ZNF184: variants seen among roughly 807,000 people sequenced by gnomAD.
ZNF184 encodes the protein zinc finger protein 184 (Kruppel-like).
Under a neutral mutation model 54.4 loss-of-function variants are expected in ZNF184, and 16 were observed. That is an observed-to-expected ratio of 0.29 (90% CI 0.20 to 0.45). The LOEUF is 0.45. ZNF184 is among the 20% of genes least tolerant of loss of function. The pLI is 1.00. For synonymous variants in ZNF184, 254 were observed against 295.3 expected (o/e 0.86, Z 1.43); for missense variants, 681 against 888.2 (o/e 0.77, Z 2.97).
chr6:27,444,154 T>C, the ZNF184 span, among the ~76,000 whole-genome samples: 20 of 152,236 alleles, frequency 1.3e-4, no homozygotes, highest in South Asian at 2.7e-3. Flanking sequence ...ACTTCTAACA[T>C]CCCTTTATAC....
At position 27,452,344 on chromosome 6, in the gene ZNF184, A is replaced by G. The variant is rs1206812126; in HGVS notation, c.1215T>C (p.Phe405=). ...CAGTATGAATCATATGATGACGGAT[A>G]AAAGTTGAGGGCCCGTTGAAGGCCT... ...CGKAFNGPST[F]IRHHMIHTGE... Residue 405 remains phenylalanine (F), a synonymous_variant, in exon 6 of 6, where the codon TTT becomes TTC. Transcript: ENST00000683788. This position sits in a 1 kb window ranked among gnomAD's most constrained non-coding sequence, Gnocchi z 5.5. 1 of 1,614,048 alleles carries G rather than the reference A, an allele frequency of 6.2e-7. No homozygotes were observed. Among genetic ancestry groups the G allele is most frequent in the African/African-American group, 1.3e-5 (1 of 75,000 alleles).
chr6:27,410,922 G>A, the ZNF184 span, among the ~76,000 whole-genome samples: 2 of 152,170 alleles, frequency 1.3e-5, no homozygotes, highest in South Asian at 4.1e-4. Context: ...AATGAGAGAT[G>A]GTAGGCAGAA....
chr6:27,427,686 T>A, the ZNF184 span, among the ~76,000 whole-genome samples: 1 of 152,224 alleles, frequency 6.6e-6, no homozygotes, highest in African/African-American at 2.4e-5. Context: ...TGTCTCCAGA[T>A]CCATATCAGC....
Position 27,452,339 on chromosome 6 carries a change from C to T in ZNF184, c.1220G>A (p.Arg407His), listed in dbSNP as rs781041543. The T allele has an allele frequency of 1.5e-5, 24 of 1,612,746 alleles. No individual in the cohort carries two copies. The highest frequency in any genetic ancestry group is 2.2e-5 in the East Asian group (1 of 44,768). ...TTCACCAGTATGAATCATATGATGA[C>T]GGATAAAAGTTGAGGGCCCGTTGAA... is the stretch of plus-strand genomic sequence containing the variant. The part of the protein sequence containing the change: ...KAFNGPSTFI[R>H]HHMIHTGEKP... The change falls in exon 6 of 6, where the codon CGT (arginine) becomes CAT (histidine). Residue 407 changes from arginine (R) to histidine (H), a missense_variant. Arg to His is a conservative substitution (Grantham distance 29). Transcript: ENST00000683788. This position sits in a 1 kb window ranked among gnomAD's most constrained non-coding sequence, Gnocchi z 5.5.
chr6:27,419,169 T>C, the ZNF184 span, among the ~76,000 whole-genome samples: 3 of 152,328 alleles, frequency 2.0e-5, no homozygotes, highest in South Asian at 6.2e-4. The surrounding 1 kb of genome is among the most constrained non-coding windows in gnomAD (Gnocchi z 4.8). Flanking sequence ...AGTGGCACAA[T>C]CTCGGCTCAC....
chr6:27,450,510 C>T (rs1762689577), downstream of ZNF184, among the ~76,000 whole-genome samples: 1 of 152,044 alleles, frequency 6.6e-6, no homozygotes, highest in Non-Finnish European at 1.5e-5. Context: ...CGGAAATGGG[C>T]CTTCATCTGA....
At chr6:27,415,567 G>C in the ZNF184 span, among the ~76,000 whole-genome samples, 2 of 152,136 alleles carry the variant, frequency 1.3e-5, no homozygotes, top group African/African-American at 4.8e-5. Context: ...GAGACTGACT[G>C]TAACATGGAG....
the ZNF184 span, chr6:27,407,622 C>G: frequency 3.5e-6 from 2 of 578,326 alleles, no homozygotes; most frequent in African/African-American, 1.9e-5. Flanking sequence ...GGTTATATAA[C>G]AAGTGGAGGT....
the ZNF184 span, among the ~76,000 whole-genome samples, chr6:27,423,840 C>T: frequency 2.6e-5 from 4 of 152,152 alleles, no homozygotes; most frequent in Admixed American, 6.5e-5. Context: ...TGTTAATATT[C>T]TTTTACAATG....
the ZNF184 span, among the ~76,000 whole-genome samples, chr6:27,440,802 G>A: frequency 6.6e-6 from 1 of 152,054 alleles, no homozygotes; most frequent in Non-Finnish European, 1.5e-5. Context: ...AGGAGATCCA[G>A]ACCATCCTGG....
the ZNF184 span, among the ~76,000 whole-genome samples, chr6:27,413,832 A>G: frequency 6.6e-6 from 1 of 152,314 alleles, no homozygotes; most frequent in Non-Finnish European, 1.5e-5. Context: ...GATCCATGCT[A>G]AGTTTAGGGT....
chr6:27,451,762 T>A lies in ZNF184; in HGVS notation c.1797A>T (p.Ile599=). ...NECGRAFNQN[I]HLTQHKRIHT... ...GAATTCTCTTATGCTGTGTAAGGTG[T>A]ATGTTCTGGTTGAATGCTCTCCCAC... Residue 599 remains isoleucine (I), a synonymous_variant, in exon 6 of 6, where the codon ATA becomes ATT. Transcript: ENST00000683788. 2 of 1,614,024 alleles carry A rather than the reference T, an allele frequency of 1.2e-6. No homozygotes were observed. Among genetic ancestry groups the A allele is most frequent in the African/African-American group, 2.7e-5 (2 of 75,024 alleles).
chr6:27,419,652 C>T, the ZNF184 span, among the ~76,000 whole-genome samples: 7 of 152,106 alleles, frequency 4.6e-5, no homozygotes, highest in African/African-American at 9.7e-5. The surrounding 1 kb of genome is among the most constrained non-coding windows in gnomAD (Gnocchi z 4.8). Flanking sequence ...AACAGTGAAA[C>T]CCAAAATCCT....
the ZNF184 span, among the ~76,000 whole-genome samples, chr6:27,441,558 G>A: frequency 7.1e-6 from 1 of 140,804 alleles, no homozygotes; most frequent in Non-Finnish European, 1.7e-5. Flanking sequence ...CTATATGATT[G>A]ACCTTAGGAA....
chr6:27,414,837 C>A, the ZNF184 span, among the ~76,000 whole-genome samples: 1 of 152,024 alleles, frequency 6.6e-6, no homozygotes, highest in Non-Finnish European at 1.5e-5. Context: ...ATAGTGTTAT[C>A]TAAATGCAAC....
chr6:27,445,654 C>G, the ZNF184 span, among the ~76,000 whole-genome samples: 6 of 147,328 alleles, frequency 4.1e-5, no homozygotes, highest in African/African-American at 2.5e-5. Flanking sequence ...TTCTCAGCCT[C>G]CAGGACCATG....
At chr6:27,437,973 T>C in the ZNF184 span, among the ~76,000 whole-genome samples, 1 of 152,238 alleles carries the variant, frequency 6.6e-6, no homozygotes, top group Non-Finnish European at 1.5e-5. Context: ...TATCACTCTA[T>C]GCCATGTATC....
chr6:27,411,567 A>G, the ZNF184 span, among the ~76,000 whole-genome samples: 1 of 152,218 alleles, frequency 6.6e-6, no homozygotes, highest in Non-Finnish European at 1.5e-5. Flanking sequence ...AAAATAGCCT[A>G]TATCTTTAAT....
chr6:27,424,251 A>G, the ZNF184 span, among the ~76,000 whole-genome samples: 2 of 152,284 alleles, frequency 1.3e-5, no homozygotes, highest in Admixed American at 6.5e-5. Context: ...AACGCTGCAG[A>G]CTTTTGTGAT....
Sources: allele counts gnomAD v4.1 joint callset (sites outside exome capture counted in the v4.1 genomes callset), GRCh38; gene constraint gnomAD v4.1.1; non-coding constraint Gnocchi (gnomAD v3.1); transcripts MANE v1.5; gene names NCBI Gene and HGNC (gene_info 2026-07-23, HGNC 2026-07-21).